Variants in INPPL1 observed in about 807,000 individuals in gnomAD.
INPPL1 encodes the protein phosphatidylinositol 3,4,5-trisphosphate 5-phosphatase 2.
INPPL1 carries 91 observed loss-of-function variants against 139.3 expected under a neutral mutation model. The ratio of observed to expected loss-of-function variants is 0.65; its 90% CI spans 0.55 to 0.78. The LOEUF (loss-of-function observed/expected upper bound fraction) is 0.78. Among genes scored for constraint, INPPL1 ranks in the 30% least tolerant of loss-of-function variants. The pLI is 0.00. For missense variants in INPPL1, 1,411 were observed against 1,665.6 expected, an observed-to-expected ratio of 0.85 and a Z score of 2.66; for synonymous variants, 719 against 686.6, an observed-to-expected ratio of 1.05 and a Z score of -0.74.
chr11:72,237,062 C>T, intron 25 of INPPL1, 62 bp from the exon 26 acceptor site: 1 of 1,451,720 alleles, frequency 6.9e-7, no homozygotes. Context: ...CCTTCCACTG[C>T]TTCCACTGCC....
At position 72,230,976 on chromosome 11, in the gene INPPL1, AC is replaced by A. The variant is rs1565389166; in HGVS notation, c.1301-12del. ...TGCCTAACCCCTCCAGACCCACCTC[AC>A]CCCCTTCACCTCCAGGAAGTGTACC... On this transcript the variant is annotated splice_polypyrimidine_tract_variant and intron_variant, in intron 11 of 27. Transcript: ENST00000298229. 1 of 1,611,502 alleles carries A rather than the reference AC, an allele frequency of 6.2e-7. No individual in the cohort carries two copies. Among genetic ancestry groups the A allele is most frequent in the Admixed American group, 1.7e-5 (1 of 59,834 alleles).
chr11:72,227,077 A>T (rs1948696076), intron 1 of INPPL1, among the ~76,000 whole-genome samples: 1 of 152,102 alleles, frequency 6.6e-6, no homozygotes, highest in Non-Finnish European at 1.5e-5. Context: ...ATACACACAT[A>T]CTTGCTTACC....
In INPPL1 at chr11:72,225,005, G is replaced by A; in HGVS notation, c.21G>A (p.Ala7=). 8.3e-7 allele frequency: 1 copy of A among 1,204,432 alleles called. No individual in the cohort carries two copies. Among genetic ancestry groups the A allele is most frequent in the South Asian group, 4.1e-5 (1 of 24,198 alleles). The allele number at this position is 1,204,432 out of a possible 1,614,324, so 74.6% of individuals were successfully genotyped here. The change falls in exon 1 of 28, where the codon GCG becomes GCA. Residue 7 remains alanine (A), a synonymous_variant. Transcript: ENST00000298229. The part of the protein sequence containing the change: MASACG[A]PGPGGALGSQ... The stretch of plus-strand genomic sequence containing the variant: ...GGGCCATGGCCTCGGCCTGCGGGGC[G>A]CCGGGCCCGGGGGGCGCCCTGGGCA...
rs187836809 is a variant in INPPL1 at position 72,234,943 on chromosome 11, T to C, written c.2416-173T>C. Among the ~76,000 whole-genome samples the C allele has an allele frequency of 1.1e-4, 17 of 151,924 alleles. No individual in the cohort carries two copies. Among genetic ancestry groups the C allele is most frequent in the African/African-American group, 4.1e-4 (17 of 41,472 alleles). ...GTGATGCTAGGTGCTGTAAAAGGCC[T>C]GTATAGGGCTGTGTCTTCTGCATTA... is the stretch of plus-strand genomic sequence containing the variant. On this transcript the variant is annotated intron_variant, in intron 21 of 27. Coordinates refer to ENST00000298229, the MANE Select transcript of INPPL1 (RefSeq NM_001567.4). This position sits in a 1 kb window ranked among gnomAD's most constrained non-coding sequence, Gnocchi z 4.2.
At position 72,235,674 on chromosome 11, in the gene INPPL1, G is replaced by C; in HGVS notation, c.2660-1G>C. 1 of 1,614,006 alleles carries C rather than the reference G, an allele frequency of 6.2e-7. No homozygotes were observed. Among genetic ancestry groups the C allele is most frequent in the Non-Finnish European group, 8.5e-7 (1 of 1,179,970 alleles). ...CTGAGTCTCCCTTCCTGCCCCCTCA[G>C]AGTGGATCAGCATTGATAAGGATGA... On this transcript the variant is annotated splice_acceptor_variant, in intron 23 of 27. Transcript: ENST00000298229. LOFTEE classifies it high-confidence loss of function. The surrounding 1 kb of genome is among the most constrained non-coding windows in gnomAD (Gnocchi z 4.9).
In INPPL1 at chr11:72,228,561, A is replaced by G. The variant is rs1296156580; in HGVS notation, c.397+63A>G. The G allele has an allele frequency of 6.4e-7, 1 of 1,554,084 alleles. No individual in the cohort carries two copies. Among genetic ancestry groups the G allele is most frequent in the African/African-American group, 1.4e-5 (1 of 71,304 alleles). The stretch of plus-strand genomic sequence containing the variant: ...CCCTTGGCTCTACCTGCCTCTTCCC[A>G]TCCCCCCTTCTCAACCCCACCTCTC... On this transcript the variant is annotated intron_variant, in intron 3 of 27. Coordinates refer to ENST00000298229, the MANE Select transcript of INPPL1 (RefSeq NM_001567.4). This position sits in a 1 kb window ranked among gnomAD's most constrained non-coding sequence, Gnocchi z 5.0.
intron 1 of INPPL1, among the ~76,000 whole-genome samples, chr11:72,227,592 C>T (rs1040834694): frequency 2.0e-5 from 3 of 152,170 alleles, no homozygotes; most frequent in Non-Finnish European, 4.4e-5. Context: ...TCAACTGCGG[C>T]TCCTGTCTGT....
chr11:72,233,229 C>A, intron 17 of INPPL1, 66 bp downstream of exon 17: 2 of 1,438,172 alleles, frequency 1.4e-6, no homozygotes, highest in South Asian at 2.4e-5. Context: ...GAATTTGGGT[C>A]AAGGGTATGG....
chr11:72,231,380 G>A, intron 12 of INPPL1, 118 bp from the exon 13 acceptor site: 1 of 965,036 alleles, frequency 1.0e-6, no homozygotes, highest in Non-Finnish European at 1.6e-6. Flanking sequence ...AGTCCGTCAG[G>A]AAGAGGGGTG....
intron 1 of INPPL1, chr11:72,225,612 CCCCTTT>C: frequency 1.2e-6 from 1 of 826,784 alleles, no homozygotes; most frequent in East Asian, 1.2e-4. Context: ...TTCCTTAGGG[CCCCTTT>C]CGGTGCTTTG....
Position 72,235,464 on chromosome 11 carries a change from C to G in INPPL1, c.2659+13C>G. On this transcript the variant is annotated intron_variant, in intron 23 of 27. Transcript: ENST00000298229. The surrounding 1 kb of genome is among the most constrained non-coding windows in gnomAD (Gnocchi z 4.9). ...GAGCGGCTCTACGGTGGGGACTCCA[C>G]TGGGACATGAGATAGGGTGGTGTGA... 6.2e-7 allele frequency: 1 copy of G among 1,609,826 alleles called. No individual in the cohort carries two copies. The highest frequency in any genetic ancestry group is 8.5e-7 in the Non-Finnish European group (1 of 1,179,256).
intron 27 of INPPL1, 23 bp downstream of exon 27, chr11:72,238,198 G>T (rs1949054220): frequency 6.2e-7 from 1 of 1,611,748 alleles, no homozygotes; most frequent in Non-Finnish European, 8.5e-7. Flanking sequence ...CTGGCCCCGG[G>T]GGCGGAGCTG....
intron 13 of INPPL1, among the ~76,000 whole-genome samples, chr11:72,231,923 G>C (rs368692760): frequency 1.3e-5 from 2 of 152,092 alleles, no homozygotes; most frequent in Non-Finnish European, 2.9e-5. Context: ...CCTGATTTTC[G>C]GTCTGGTGCT....
At chr11:72,236,408 C>A (rs1302831940) in intron 25 of INPPL1, among the ~76,000 whole-genome samples, 2 of 152,164 alleles carry the variant, frequency 1.3e-5, no homozygotes, top group Non-Finnish European at 2.9e-5. Flanking sequence ...TTTCTAGATT[C>A]TTTTCTTAGA....
chr11:72,238,098 C>A lies in INPPL1; in HGVS notation c.3609C>A (p.Ala1203=). Residue 1203 remains alanine, a synonymous_variant, in exon 27 of 28, where the codon GCC becomes GCA. Transcript: ENST00000298229. The stretch of plus-strand genomic sequence containing the variant: ...GGCTGGGCGAGGCAGGCATGAGTGC[C>A]TGGCTGCGGGCCATCGGCTTGGAGC... ...ASGLGEAGMS[A]WLRAIGLERY... 2 of 1,582,712 alleles carry A rather than the reference C, an allele frequency of 1.3e-6. No individual in the cohort carries two copies. Among genetic ancestry groups the A allele is most frequent in the Non-Finnish European group, 1.7e-6 (2 of 1,164,102 alleles).
Position 72,238,324 on chromosome 11 carries a change from C to T in INPPL1, c.3748C>T (p.Leu1250Phe), listed in dbSNP as rs144762578. ...GCAGGACCCGGCTCACAAGCGCCTC[C>T]TTCTGGACACCCTGCAGCTCAGCAA... ...GVQDPAHKRL[L>F]LDTLQLSK Residue 1250 changes from leucine to phenylalanine, a missense_variant, in exon 28 of 28, where the codon CTT becomes TTT. Transcript: ENST00000298229. 5.9e-5 allele frequency: 93 copies of T among 1,585,314 alleles called. No homozygotes were observed. The African/African-American group carries it at 7.3e-4, about 12-fold the overall frequency.
intron 1 of INPPL1, among the ~76,000 whole-genome samples, chr11:72,227,036 T>A (rs1460356768): frequency 3.9e-5 from 6 of 152,102 alleles, no homozygotes; most frequent in African/African-American, 9.7e-5. Flanking sequence ...ACGTGGGCGA[T>A]CAGACGTGGG....
chr11:72,238,424 G>A lies in INPPL1; in HGVS notation c.*71G>A. On this transcript the variant is annotated 3_prime_UTR_variant, in exon 28 of 28. Coordinates refer to ENST00000298229, the MANE Select transcript of INPPL1 (RefSeq NM_001567.4). ...ACCAAGGCCCAGCTATGGCCCCAGG[G>A]TTGAAAAGTTATGAGGGTCAGGGCA... 1.5e-6 allele frequency: 2 copies of A among 1,361,846 alleles called. No homozygotes were observed. Among genetic ancestry groups the A allele is most frequent in the Non-Finnish European group, 2.0e-6 (2 of 1,010,222 alleles). The allele number at this position is 1,361,846 out of a possible 1,614,324, so 84.4% of individuals were successfully genotyped here.
Position 72,232,621 on chromosome 11 carries a change from C to T in INPPL1, c.1713-5C>T, listed in dbSNP as rs1442427249. On this transcript the variant is annotated splice_region_variant and splice_polypyrimidine_tract_variant and intron_variant, in intron 14 of 27. Transcript: ENST00000298229. Reference sequence around the variant, plus strand: ...CCCCTCCCCACCACGCACCCCTCACCCTAGGAGGAACCAAAACTACTTGGA... The same window carrying T: ...CCCCTCCCCACCACGCACCCCTCACTCTAGGAGGAACCAAAACTACTTGGA... 9 of 1,613,556 alleles carry T rather than the reference C, an allele frequency of 5.6e-6. No individual in the cohort carries two copies. Among genetic ancestry groups the T allele is most frequent in the Middle Eastern group, 1.6e-4 (1 of 6,062 alleles).
Sources: allele counts gnomAD v4.1 joint callset (sites outside exome capture counted in the v4.1 genomes callset), GRCh38; gene constraint gnomAD v4.1.1; non-coding constraint Gnocchi (gnomAD v3.1); transcripts MANE v1.5; gene names NCBI Gene and HGNC (gene_info 2026-07-23, HGNC 2026-07-21).